Variants in FUBP3 observed in about 807,000 individuals in gnomAD.
FUBP3 encodes the protein far upstream element-binding protein 3.
Under a neutral mutation model 85.6 loss-of-function variants are expected in FUBP3, and 28 were observed. That is an observed-to-expected ratio of 0.33 (90% CI 0.24 to 0.45). The LOEUF (loss-of-function observed/expected upper bound fraction) is 0.45. Ranked by LOEUF, FUBP3 falls within the 20% of genes least tolerant of loss-of-function variation. The pLI is 1.00. For synonymous variants in FUBP3, 271 were observed against 271.4 expected, an observed-to-expected ratio of 1.00 and a Z score of 0.01; for missense variants, 583 against 755.1, an observed-to-expected ratio of 0.77 and a Z score of 2.67.
chr9:130,598,007 A>G (rs1240396955), intron 2 of FUBP3, among the ~76,000 whole-genome samples: 1 of 152,220 alleles, frequency 6.6e-6, no homozygotes, highest in Non-Finnish European at 1.5e-5. Context: ...TATTCCCCAA[A>G]AGGTAGACAT....
At chr9:130,618,854 G>A (rs1832147488) in intron 8 of FUBP3, among the ~76,000 whole-genome samples, 1 of 152,240 alleles carries the variant, frequency 6.6e-6, no homozygotes, top group African/African-American at 2.4e-5. Flanking sequence ...AGGTACACCT[G>A]TAAAATAACA....
intron 18 of FUBP3, among the ~76,000 whole-genome samples, chr9:130,636,566 G>C (rs531237432): frequency 6.6e-6 from 1 of 152,378 alleles, no homozygotes; most frequent in East Asian, 1.9e-4. Flanking sequence ...GAGGGCAGGG[G>C]GGCAGAGCCC....
At chr9:130,582,790 A>C (rs1379089516) in intron 1 of FUBP3, among the ~76,000 whole-genome samples, 1 of 152,220 alleles carries the variant, frequency 6.6e-6, no homozygotes, top group African/African-American at 2.4e-5. Flanking sequence ...ACTTAGTAGC[A>C]CCTGTCATCA....
chr9:130,586,721 A>G (rs538416809), intron 1 of FUBP3, among the ~76,000 whole-genome samples: 1 of 142,674 alleles, frequency 7.0e-6, no homozygotes, highest in Non-Finnish European at 1.5e-5. Context: ...GTGGTTTTTC[A>G]TCTCAATGAG....
At chr9:130,604,769 G>A (rs980619157) in intron 2 of FUBP3, among the ~76,000 whole-genome samples, 2 of 152,062 alleles carry the variant, frequency 1.3e-5, no homozygotes, top group Non-Finnish European at 2.9e-5. Flanking sequence ...ATGGTGGTGC[G>A]CGCCTTTAGT....
chr9:130,579,779 G>C lies in FUBP3; in HGVS notation c.84+15G>C. The C allele has an allele frequency of 7.9e-7, 1 of 1,266,322 alleles. No homozygotes were observed. The highest frequency in any genetic ancestry group is 2.9e-5 in the East Asian group (1 of 34,118). 78.4% of individuals were successfully genotyped at this position (1,266,322 alleles called of 1,614,324 possible). ...GGGTCCGGCAGGTACGGGCGCAGCC[G>C]GCTGGCAGGAGCACGAGATCCCGAG... On this transcript the variant is annotated intron_variant, in intron 1 of 18. Coordinates refer to ENST00000319725, the MANE Select transcript of FUBP3 (RefSeq NM_003934.2).
At chr9:130,618,291 C>T (rs1832112974) in intron 8 of FUBP3, among the ~76,000 whole-genome samples, 1 of 152,172 alleles carries the variant, frequency 6.6e-6, no homozygotes, top group Non-Finnish European at 1.5e-5. Flanking sequence ...CTTCCAGGTG[C>T]AGTTTTGATT....
intron 2 of FUBP3, among the ~76,000 whole-genome samples, chr9:130,607,772 C>T (rs1831533250): frequency 6.6e-6 from 1 of 152,182 alleles, no homozygotes; most frequent in Non-Finnish European, 1.5e-5. Flanking sequence ...CTTGGGTGGA[C>T]TCCAGCATTT....
At chr9:130,608,796 T>C (rs1831592753) in intron 2 of FUBP3, among the ~76,000 whole-genome samples, 1 of 152,206 alleles carries the variant, frequency 6.6e-6, no homozygotes, top group Non-Finnish European at 1.5e-5. Context: ...TTGTTTTGCT[T>C]TGCTTTTTCT....
chr9:130,624,546 C>G (rs1829885562), intron 11 of FUBP3, among the ~76,000 whole-genome samples: 1 of 152,058 alleles, frequency 6.6e-6, no homozygotes, highest in South Asian at 2.1e-4. Flanking sequence ...GCACGCAGCC[C>G]AGGAACAGCA....
At position 130,620,435 on chromosome 9, in the gene FUBP3, CGAATG is replaced by C; in HGVS notation, c.750_754del (p.Met251ArgfsTer10). The stretch of plus-strand genomic sequence containing the variant: ...GGGTGTACGCGGCGATTTCAACTCT[CGAATG>C]GGAGGAGGCAGTATAGAGGTATGCT... On this transcript the variant is annotated frameshift_variant, in exon 9 of 19. Transcript: ENST00000319725. LOFTEE classifies it high-confidence loss of function. 1 of 1,593,398 alleles carries C rather than the reference CGAATG, an allele frequency of 6.3e-7. No homozygotes were observed. Among genetic ancestry groups the C allele is most frequent in the Non-Finnish European group, 8.6e-7 (1 of 1,164,836 alleles).
chr9:130,591,777 A>G (rs1830637270), intron 1 of FUBP3, among the ~76,000 whole-genome samples: 1 of 152,234 alleles, frequency 6.6e-6, no homozygotes, highest in Non-Finnish European at 1.5e-5. Flanking sequence ...AGGCTCAGTC[A>G]CATTTTGGAA....
At chr9:130,620,289 C>T (rs866152322) in intron 8 of FUBP3, 65 bp from the exon 9 acceptor site, 1 of 930,900 alleles carries the variant, frequency 1.1e-6, no homozygotes, top group Non-Finnish European at 1.7e-6. Context: ...CTTGAAATTT[C>T]ACCTGGTGAT....
intron 7 of FUBP3, among the ~76,000 whole-genome samples, chr9:130,617,596 A>G (rs1032073943): frequency 6.6e-6 from 1 of 152,242 alleles, no homozygotes; most frequent in African/African-American, 2.4e-5. Flanking sequence ...ATGGTTTTAC[A>G]TCTCGCATTT....
intron 1 of FUBP3, among the ~76,000 whole-genome samples, chr9:130,585,611 A>G (rs572414880): frequency 2.0e-5 from 3 of 152,184 alleles, no homozygotes; most frequent in East Asian, 3.9e-4. Flanking sequence ...TTACTGTAGG[A>G]CTTCTCAGAA....
At chr9:130,595,398 A>T in intron 1 of FUBP3, 85 bp from the exon 2 acceptor site, 1 of 774,582 alleles carries the variant, frequency 1.3e-6, no homozygotes, top group Non-Finnish European at 2.4e-6. Flanking sequence ...ATGGGATAAT[A>T]GCCCTTTAAA....
intron 8 of FUBP3, among the ~76,000 whole-genome samples, chr9:130,619,588 G>A (rs976462026): frequency 7.9e-5 from 12 of 152,130 alleles, no homozygotes; most frequent in African/African-American, 1.9e-4. Flanking sequence ...AATTGCTGAC[G>A]GGTTTGTTTT....
At chr9:130,619,227 G>A (rs1832169842) in intron 8 of FUBP3, among the ~76,000 whole-genome samples, 1 of 150,890 alleles carries the variant, frequency 6.6e-6, no homozygotes, top group Admixed American at 6.6e-5. Context: ...TATCATTAAT[G>A]TCCCATAAAT....
chr9:130,593,924 A>G (rs1830740097), intron 1 of FUBP3, among the ~76,000 whole-genome samples: 1 of 152,204 alleles, frequency 6.6e-6, no homozygotes, highest in South Asian at 2.1e-4. Context: ...TCTGGGGGGA[A>G]ATTTTTAACA....
Sources: gnomAD v4.1 joint callset for allele counts (sites outside exome capture counted in the v4.1 genomes callset) on GRCh38, gnomAD v4.1.1 for gene constraint, MANE v1.5 for transcripts, NCBI Gene and HGNC (gene_info 2026-07-23, HGNC 2026-07-21) for gene names.